PRKN: variants seen among roughly 807,000 people sequenced by gnomAD.
PRKN encodes the protein parkin RBR E3 ubiquitin protein ligase, also known as E3 ubiquitin-protein ligase parkin.
PRKN carries 56 observed loss-of-function variants against 59.5 expected under a neutral mutation model. The observed-to-expected ratio is 0.94, with a 90% CI of 0.76 to 1.18. The LOEUF (loss-of-function observed/expected upper bound fraction) is 1.18, where lower values mean the gene tolerates loss of function less well. PRKN is among the 50% of genes most tolerant of loss of function. The probability of loss-of-function intolerance (pLI) is 0.00; values close to 1 mark genes in which losing one functional copy is unlikely to be tolerated. For missense variants in PRKN, 657 were observed against 596.4 expected (o/e 1.10, Z -1.06); for synonymous variants, 250 against 222.1 (o/e 1.13, Z -1.12).
intron 6 of PRKN, among the ~76,000 whole-genome samples, chr6:161,886,706 AATAAAATAACATAAAATAAC>A (rs199798121): frequency 6.8e-6 from 1 of 146,270 alleles, no homozygotes; most frequent in Non-Finnish European, 1.5e-5. Flanking sequence ...TCAAAAATAA[AATAAAATAACATAAAATAAC>A]ATAAAATAAA....
intron 7 of PRKN, among the ~76,000 whole-genome samples, chr6:161,586,235 C>T (rs1055072492): frequency 2.0e-5 from 3 of 152,176 alleles, no homozygotes; most frequent in African/African-American, 7.2e-5. Context: ...CTAAGCTGAT[C>T]TAGAACTCCT....
intron 1 of PRKN, among the ~76,000 whole-genome samples, chr6:162,642,788 A>T (rs1329481065): frequency 6.6e-6 from 1 of 152,006 alleles, no homozygotes. Context: ...CCTCATGTGA[A>T]GTCTTAAATT....
At chr6:161,609,814 T>C (rs1782422454) in intron 7 of PRKN, among the ~76,000 whole-genome samples, 1 of 152,188 alleles carries the variant, frequency 6.6e-6, no homozygotes, top group Admixed American at 6.5e-5. Context: ...GGGGCTGGAC[T>C]ACGGTTAGAG....
Position 161,638,931 on chromosome 6 carries a change from G to A in PRKN, c.872-69515C>T, listed in dbSNP as rs147051660. 3.5e-3 allele frequency among the ~76,000 whole-genome samples: 526 copies of A among 151,842 alleles called. 2 individuals are homozygous for A. Among genetic ancestry groups the A allele is most frequent in the Non-Finnish European group, 5.0e-3 (340 of 67,946 alleles). On this transcript the variant is annotated intron_variant, in intron 7 of 11. Coordinates refer to ENST00000366898, the MANE Select transcript of PRKN (RefSeq NM_004562.3). ...TAATTTCTGTATTTTTAGTACAGAC[G>A]GGGTTTCACCATGTTGGCTGCGCTG...
chr6:162,678,837 C>T (rs780210217), intron 1 of PRKN, among the ~76,000 whole-genome samples: 2 of 152,290 alleles, frequency 1.3e-5, no homozygotes, highest in East Asian at 1.9e-4. Context: ...TGCAGTGGTG[C>T]GATCTTGGCT....
At chr6:162,415,329 C>G (rs1207263278) in intron 2 of PRKN, among the ~76,000 whole-genome samples, 2 of 152,070 alleles carry the variant, frequency 1.3e-5, no homozygotes, top group Non-Finnish European at 2.9e-5. Context: ...CGAAATGCAG[C>G]AATTGTGTGG....
chr6:162,072,810 C>G (rs921974197), intron 4 of PRKN, among the ~76,000 whole-genome samples: 5 of 152,130 alleles, frequency 3.3e-5, no homozygotes, highest in African/African-American at 1.2e-4. Context: ...ATAACAATTG[C>G]ACGTAACAAA....
chr6:161,757,875 GTATATATA>G (rs369226880), intron 7 of PRKN, among the ~76,000 whole-genome samples: 7 of 23,472 alleles, frequency 3.0e-4, no homozygotes, highest in African/African-American at 8.2e-4. Flanking sequence ...CTCTCTCTGT[GTATATATA>G]TATACACACA....
At chr6:161,514,873 A>T (rs1032663037) in intron 9 of PRKN, among the ~76,000 whole-genome samples, 2 of 152,134 alleles carry the variant, frequency 1.3e-5, no homozygotes, top group African/African-American at 4.8e-5. Flanking sequence ...TGCTGCCGTC[A>T]TGGTGCCTAC....
chr6:161,968,314 C>T (rs1396030711), intron 6 of PRKN, among the ~76,000 whole-genome samples: 1 of 151,124 alleles, frequency 6.6e-6, no homozygotes, highest in African/African-American at 2.4e-5. Flanking sequence ...GCTGGGATTA[C>T]AGGCGTGACT....
chr6:161,946,401 C>CAG (rs1779775207), intron 6 of PRKN, among the ~76,000 whole-genome samples: 1 of 95,008 alleles, frequency 1.1e-5, no homozygotes, highest in Non-Finnish European at 2.3e-5. Flanking sequence ...CACACACACA[C>CAG]ACACACACAC....
chr6:162,369,195 A>G (rs1366131794), intron 2 of PRKN, among the ~76,000 whole-genome samples: 1 of 152,244 alleles, frequency 6.6e-6, no homozygotes, highest in African/African-American at 2.4e-5. Flanking sequence ...GAAATAAAAC[A>G]GGAAACTTTC....
At chr6:162,313,767 G>A (rs191068285) in intron 2 of PRKN, among the ~76,000 whole-genome samples, 88 of 152,160 alleles carry the variant, frequency 5.8e-4, no homozygotes, top group Admixed American at 1.6e-3. Context: ...GATTACAGGC[G>A]TGAGCCACCA....
At chr6:161,932,472 A>G (rs983793420) in intron 6 of PRKN, among the ~76,000 whole-genome samples, 1 of 152,228 alleles carries the variant, frequency 6.6e-6, no homozygotes, top group African/African-American at 2.4e-5. Context: ...GATACTCAGA[A>G]AATTTCAAAG....
chr6:162,212,295 C>G (rs997837305), intron 3 of PRKN, among the ~76,000 whole-genome samples: 1 of 152,066 alleles, frequency 6.6e-6, no homozygotes, highest in Non-Finnish European at 1.5e-5. Context: ...TGAAGCTTCT[C>G]AAGGGCAAGT....
intron 4 of PRKN, among the ~76,000 whole-genome samples, chr6:162,089,673 C>A (rs892088010): frequency 1.3e-5 from 2 of 152,124 alleles, no homozygotes; most frequent in Non-Finnish European, 2.9e-5. Context: ...AAACAAAATG[C>A]AGTATATTCA....
rs1295395691 is a variant in PRKN, at chr6:162,282,782, T to C, written c.172-20017A>G. On this transcript the variant is annotated intron_variant, in intron 2 of 11. Coordinates refer to ENST00000366898, the MANE Select transcript of PRKN (RefSeq NM_004562.3). ...TGTATGTTGTATATCACTCTGTATATGCATTAACTTATTGGGTACACATAG... is the reference window on the plus strand; with the variant it reads ...TGTATGTTGTATATCACTCTGTATACGCATTAACTTATTGGGTACACATAG... Among the ~76,000 whole-genome samples, 3 of 152,342 alleles carry C rather than the reference T, an allele frequency of 2.0e-5. No individual in the cohort carries two copies. In the South Asian group the frequency reaches 6.2e-4, roughly 32 times the overall value.
At chr6:161,730,294 A>ATTCTGATGTGTTGTATTCT (rs1349410112) in intron 7 of PRKN, among the ~76,000 whole-genome samples, 1 of 147,104 alleles carries the variant, frequency 6.8e-6, no homozygotes, top group Non-Finnish European at 1.5e-5. Context: ...GATATGTTGC[A>ATTCTGATGTGTTGTATTCT]TTCTGATGTG....
intron 9 of PRKN, among the ~76,000 whole-genome samples, chr6:161,523,220 A>C (rs563809728): frequency 1.3e-5 from 2 of 152,186 alleles, no homozygotes; most frequent in African/African-American, 2.4e-5. Flanking sequence ...AGGAATTCTC[A>C]TAACAAATCA....
Sources: gnomAD v4.1 joint callset for allele counts (sites outside exome capture counted in the v4.1 genomes callset) on GRCh38, gnomAD v4.1.1 for gene constraint, MANE v1.5 for transcripts, NCBI Gene and HGNC (gene_info 2026-07-23, HGNC 2026-07-21) for gene names.